Variants in ACTN2 observed in about 807,000 individuals in gnomAD.
The protein encoded by ACTN2 is actinin alpha 2, also known as alpha-actinin-2.
A neutral mutation model predicts 113.8 loss-of-function variants in ACTN2; 39 were observed. The observed-to-expected ratio is 0.34, with a 90% CI of 0.27 to 0.45. ACTN2 has a LOEUF of 0.45. ACTN2 is among the 20% of genes least tolerant of loss of function. The probability of loss-of-function intolerance (pLI) is 1.00; values close to 1 mark genes in which losing one functional copy is unlikely to be tolerated. For missense variants in ACTN2, 992 were observed against 1,177.9 expected, an observed-to-expected ratio of 0.84 and a Z score of 2.31; for synonymous variants, 429 against 444.1, an observed-to-expected ratio of 0.97 and a Z score of 0.43.
At chr1:236,728,362 C>G (rs1269579492) in intron 6 of ACTN2, among the ~76,000 whole-genome samples, 1 of 152,114 alleles carries the variant, frequency 6.6e-6, no homozygotes, top group Admixed American at 6.5e-5. Context: ...CCAGGATGGT[C>G]TCGATCTCCT....
chr1:236,730,006 A>C (rs1658669068), intron 6 of ACTN2, among the ~76,000 whole-genome samples: 1 of 152,268 alleles, frequency 6.6e-6, no homozygotes, highest in South Asian at 2.1e-4. Context: ...TCACACATGC[A>C]TATATGCATA....
chr1:236,710,752 A>T (rs1264590949), intron 1 of ACTN2, among the ~76,000 whole-genome samples: 1 of 152,194 alleles, frequency 6.6e-6, no homozygotes, highest in African/African-American at 2.4e-5. Context: ...CTGTCAGATC[A>T]GCGGCAGCAT....
intron 1 of ACTN2, among the ~76,000 whole-genome samples, chr1:236,695,563 T>TCCTC (rs1657467692): frequency 6.0e-5 from 6 of 100,794 alleles, no homozygotes; most frequent in South Asian, 3.8e-4. Flanking sequence ...TGAAATGAGT[T>TCCTC]CCCCCCCCCT....
Position 236,720,194 on chromosome 1 carries a change from A to G in ACTN2, c.448+3A>G. The stretch of plus-strand genomic sequence containing the variant: ...TATTCAGGATATTTCGGTTGAAGGT[A>G]AAAGACATGGTTAAAAGTCTAATTG... On this transcript the variant is annotated splice_donor_region_variant and intron_variant, in intron 4 of 20. Transcript: ENST00000366578. 1 of 1,605,830 alleles carries G rather than the reference A, an allele frequency of 6.2e-7. No homozygotes were observed. Among genetic ancestry groups the G allele is most frequent in the Non-Finnish European group, 8.5e-7 (1 of 1,172,376 alleles).
intron 3 of ACTN2, 30 bp downstream of exon 3, chr1:236,719,043 C>A (rs373067784): frequency 3.1e-6 from 5 of 1,612,850 alleles, no homozygotes; most frequent in Non-Finnish European, 4.2e-6. Context: ...GTCCTGTCTG[C>A]CACACTGACC....
In ACTN2 at chr1:236,754,132, T is replaced by C; in HGVS notation, c.1974+51T>C. On this transcript the variant is annotated intron_variant, in intron 16 of 20. Transcript: ENST00000366578. The surrounding 1 kb of genome is among the most constrained non-coding windows in gnomAD (Gnocchi z 4.9). ...GTTCACAAGCCTTGCGATAAGTCCCTTTAGCCACGCAGCAGTGACACCGCA... is the reference window on the plus strand; with the variant it reads ...GTTCACAAGCCTTGCGATAAGTCCCCTTAGCCACGCAGCAGTGACACCGCA... The C allele has an allele frequency of 1.9e-6, 3 of 1,607,836 alleles. No individual in the cohort carries two copies. The highest frequency in any genetic ancestry group is 2.5e-6 in the Non-Finnish European group (3 of 1,179,576).
chr1:236,701,278 A>C (rs1427826362), intron 1 of ACTN2, among the ~76,000 whole-genome samples: 1 of 152,186 alleles, frequency 6.6e-6, no homozygotes, highest in Non-Finnish European at 1.5e-5. Context: ...TAATTTGTAC[A>C]TAGGGTAGTA....
chr1:236,715,908 A>T (rs1413524731), intron 1 of ACTN2, among the ~76,000 whole-genome samples: 1 of 152,210 alleles, frequency 6.6e-6, no homozygotes, highest in Non-Finnish European at 1.5e-5. Flanking sequence ...GTGAGCTGAG[A>T]TCATGCCACT....
At chr1:236,719,370 G>A (rs150666381) in intron 3 of ACTN2, among the ~76,000 whole-genome samples, 2,382 of 152,364 alleles carry the variant, frequency 0.016, 22 homozygotes, top group Middle Eastern at 0.051. Context: ...GGTGAGGTCA[G>A]CGGGAGCTGA....
chr1:236,758,211 A>T (rs188202131), intron 18 of ACTN2, among the ~76,000 whole-genome samples: 16 of 152,162 alleles, frequency 1.1e-4, no homozygotes, highest in Admixed American at 9.2e-4. Context: ...GAGTAGAACC[A>T]ATTCTTTATG....
intron 18 of ACTN2, 92 bp from the exon 19 acceptor site, chr1:236,759,632 G>T (rs940089759): frequency 2.8e-6 from 3 of 1,081,722 alleles, no homozygotes; most frequent in Non-Finnish European, 4.3e-6. Context: ...AGCTCAAAGT[G>T]CTTCTCTTAC....
intron 6 of ACTN2, among the ~76,000 whole-genome samples, chr1:236,728,114 C>T (rs984216997): frequency 4.1e-5 from 6 of 147,834 alleles, no homozygotes; most frequent in African/African-American, 7.5e-5. Flanking sequence ...TCTATTTTTG[C>T]GGGGAAGAAA....
chr1:236,713,650 T>C (rs1236522600), intron 1 of ACTN2, among the ~76,000 whole-genome samples: 2 of 149,958 alleles, frequency 1.3e-5, no homozygotes, highest in African/African-American at 4.9e-5. Flanking sequence ...GACTGATAGC[T>C]TCATTCCTCA....
intron 15 of ACTN2, among the ~76,000 whole-genome samples, chr1:236,752,918 A>G (rs1659442538): frequency 6.6e-6 from 1 of 152,174 alleles, no homozygotes; most frequent in African/African-American, 2.4e-5. Flanking sequence ...AAGCAAATGG[A>G]TTTTTGTTAA....
chr1:236,692,680 A>C (rs1666126486), intron 1 of ACTN2, among the ~76,000 whole-genome samples: 1 of 152,202 alleles, frequency 6.6e-6, no homozygotes, highest in South Asian at 2.1e-4. Context: ...TCTGAGGCAC[A>C]AAAAACACTC....
intron 11 of ACTN2, 41 bp from the exon 12 acceptor site, chr1:236,744,585 G>A: frequency 1.2e-6 from 2 of 1,611,520 alleles, no homozygotes; most frequent in Non-Finnish European, 1.7e-6. Flanking sequence ...AAGCCGCTGT[G>A]CCCTCAGCAT....
chr1:236,743,061 A>ACTTG lies in ACTN2; in HGVS notation c.1255+18_1255+19insCTTG. 5 of 1,614,030 alleles carry ACTTG rather than the reference A, an allele frequency of 3.1e-6. No individual in the cohort carries two copies. Among genetic ancestry groups the ACTTG allele is most frequent in the Non-Finnish European group, 4.2e-6 (5 of 1,180,016 alleles). ...GGCTTATGGTAAGTAGACAGGAGTCAGATTGGATTTTTGAAAAACCAGAGT... is the reference window on the plus strand; with the variant it reads ...GGCTTATGGTAAGTAGACAGGAGTCACTTGGATTGGATTTTTGAAAAACCAGAGT... On this transcript the variant is annotated intron_variant, in intron 11 of 20. Transcript: ENST00000366578.
intron 10 of ACTN2, among the ~76,000 whole-genome samples, chr1:236,741,981 C>CCGCA (rs1441099955): frequency 1.3e-5 from 2 of 152,176 alleles, no homozygotes; most frequent in Non-Finnish European, 2.9e-5. Context: ...GCCGTCCTTC[C>CCGCA]CGCACGCACA....
intron 10 of ACTN2, among the ~76,000 whole-genome samples, chr1:236,740,415 C>T (rs908729869): frequency 7.3e-5 from 11 of 151,690 alleles, no homozygotes; most frequent in Non-Finnish European, 1.3e-4. Context: ...CGCCCAGCCC[C>T]AACTCACTCA....
Sources: allele counts gnomAD v4.1 joint callset (sites outside exome capture counted in the v4.1 genomes callset), GRCh38; gene constraint gnomAD v4.1.1; non-coding constraint Gnocchi (gnomAD v3.1); transcripts MANE v1.5; gene names NCBI Gene and HGNC (gene_info 2026-07-23, HGNC 2026-07-21).